Variants in LBP observed in about 807,000 individuals in gnomAD.
LBP encodes lipopolysaccharide-binding protein.
LBP carries 53 observed loss-of-function variants against 56.6 expected under a neutral mutation model. The ratio of observed to expected loss-of-function variants is 0.94; its 90% confidence interval spans 0.75 to 1.18. LBP has a LOEUF of 1.18. Among genes scored for constraint, LBP ranks in the 50% most tolerant of loss-of-function variants. The pLI is 0.00. For synonymous variants in LBP, 227 were observed against 247.5 expected (o/e 0.92, Z 0.78); for missense variants, 601 against 598.3 (o/e 1.00, Z -0.05).
At chr20:38,369,587 G>A (rs1296983521) in intron 10 of LBP, among the ~76,000 whole-genome samples, 2 of 152,190 alleles carry the variant, frequency 1.3e-5, no homozygotes, top group Non-Finnish European at 2.9e-5. Flanking sequence ...GTACTGTCAG[G>A]AGAATGATGG....
intron 5 of LBP, among the ~76,000 whole-genome samples, chr20:38,357,332 T>C (rs2122605404): frequency 6.6e-6 from 1 of 152,312 alleles, no homozygotes; most frequent in Middle Eastern, 3.4e-3. Flanking sequence ...GGGCTAGGTG[T>C]CTTGGGAAAG....
At chr20:38,350,188 A>G (rs1389007447) in intron 2 of LBP, among the ~76,000 whole-genome samples, 2 of 151,998 alleles carry the variant, frequency 1.3e-5, no homozygotes, top group African/African-American at 4.8e-5. Context: ...CGACAATCAG[A>G]CTCGTAGCAC....
chr20:38,348,381 C>G (rs1185338328), intron 1 of LBP, among the ~76,000 whole-genome samples: 1 of 151,618 alleles, frequency 6.6e-6, no homozygotes, highest in Non-Finnish European at 1.5e-5. Context: ...GGCACAATCT[C>G]AGCTCACTGC....
rs1187385948 is a variant in LBP, at chr20:38,349,574, C to T, written c.151C>T (p.Gln51Ter). The change falls in exon 2 of 15, where the codon CAG (glutamine) becomes TAG (stop). Residue 51 changes from glutamine to a stop codon, truncating the protein, a stop_gained. Transcript: ENST00000217407. LOFTEE classifies it high-confidence loss of function. Reference sequence around the variant, plus strand: ...GGCCCAGGAGGGGCTATTAGCTCTGCAGAGTGAGCTGCTCAGGATCACGCT... The same window carrying T: ...GGCCCAGGAGGGGCTATTAGCTCTGTAGAGTGAGCTGCTCAGGATCACGCT... ...YAAQEGLLAL[Q>*]SELLRITLPD... The T allele has an allele frequency of 6.2e-7, 1 of 1,610,200 alleles. No individual in the cohort carries two copies. Among genetic ancestry groups the T allele is most frequent in the South Asian group, 1.1e-5 (1 of 90,060 alleles).
chr20:38,370,544 G>A (rs1271755023), intron 10 of LBP, among the ~76,000 whole-genome samples, 194 bp from the exon 11 acceptor site: 1 of 152,006 alleles, frequency 6.6e-6, no homozygotes, highest in Non-Finnish European at 1.5e-5. Flanking sequence ...AAGTAAAAAT[G>A]TTCAAGTCCA....
At position 38,349,542 on chromosome 20, in the gene LBP, C is replaced by T; in HGVS notation, c.125-6C>T. Reference sequence around the variant, plus strand: ...AAGCTGACTCCCAGCTATTTCCTTTCCACAGCGGCCCAGGAGGGGCTATTA... The same window carrying T: ...AAGCTGACTCCCAGCTATTTCCTTTTCACAGCGGCCCAGGAGGGGCTATTA... On this transcript the variant is annotated splice_polypyrimidine_tract_variant and splice_region_variant and intron_variant, in intron 1 of 14. Transcript: ENST00000217407. 1 of 1,589,794 alleles carries T rather than the reference C, an allele frequency of 6.3e-7. No individual in the cohort carries two copies. The highest frequency in any genetic ancestry group is 8.6e-7 in the Non-Finnish European group (1 of 1,167,882).
At position 38,348,385 on chromosome 20, in the gene LBP, TCA is replaced by T. The variant is rs539587873; in HGVS notation, c.125-1161_125-1160del. 2.2e-3 allele frequency among the ~76,000 whole-genome samples: 337 copies of T among 152,088 alleles called. 1 individual carries two copies. Among genetic ancestry groups the T allele is most frequent in the African/African-American group, 7.7e-3 (321 of 41,486 alleles). On this transcript the variant is annotated intron_variant, in intron 1 of 14. Transcript: ENST00000217407. ...TGGAGTGCAATGGCACAATCTCAGC[TCA>T]CTGCAACCTCCGACTCCCTGGTTCA...
chr20:38,352,945 GA>G (rs1206706991), intron 3 of LBP, among the ~76,000 whole-genome samples: 3 of 151,508 alleles, frequency 2.0e-5, no homozygotes, highest in Non-Finnish European at 4.4e-5. Context: ...GTATCTTCTG[GA>G]AAATTTAAAA....
chr20:38,350,978 C>T (rs1261316585), intron 3 of LBP, 39 bp downstream of exon 3: 2 of 1,603,710 alleles, frequency 1.2e-6, no homozygotes, highest in Admixed American at 1.7e-5. Context: ...AGCTCTTGGC[C>T]TTGGCCTTCG....
intron 4 of LBP, 127 bp from the exon 5 acceptor site, chr20:38,355,219 A>C: frequency 2.5e-6 from 2 of 795,396 alleles, no homozygotes; most frequent in Admixed American, 3.9e-5. Context: ...GCTGGGACAC[A>C]GCAGGGCGCC....
chr20:38,354,292 A>T lies in LBP; in HGVS notation c.377A>T (p.Gln126Leu), dbSNP rs753058564. The T allele has an allele frequency of 3.7e-6, 6 of 1,613,052 alleles. No individual in the cohort carries two copies. The highest frequency in any genetic ancestry group is 5.1e-6 in the Non-Finnish European group (6 of 1,179,512). The change falls in exon 4 of 15, where the codon CAG becomes CTG. Residue 126 changes from glutamine to leucine, a missense_variant. Gln to Leu is a moderately radical substitution (Grantham distance 113). Coordinates refer to ENST00000217407, the MANE Select transcript of LBP (RefSeq NM_004139.5). ...TCTCTTACCTCCTCCAGCAAACTAC[A>T]GGGCTCCTTTGATGTCAGTGTCAAG... ...WKVRKSFFKL[Q>L]GSFDVSVKGI... is the part of the protein sequence containing the mutation.
chr20:38,370,893 G>A, intron 11 of LBP, 88 bp downstream of exon 11: 1 of 1,114,036 alleles, frequency 9.0e-7, no homozygotes, highest in Non-Finnish European at 1.4e-6. Context: ...TGGGAGGGGG[G>A]GCCACCATTT....
rs756114008 is a variant in LBP, at chr20:38,373,975, C to G, written c.1363C>G (p.Arg455Gly). The change falls in exon 14 of 15, where the codon CGT becomes GGT. Residue 455 changes from arginine to glycine, a missense_variant. Transcript: ENST00000217407. ...AGGCTTCCCCCTTCCTCTGCTGAAG[C>G]GTGTTCAGCTCTACGACCTTGGGCT... ...AEGFPLPLLK[R>G]VQLYDLGLQI... is the part of the protein sequence containing the mutation. The G allele has an allele frequency of 6.2e-7, 1 of 1,614,054 alleles. No individual in the cohort carries two copies. Among genetic ancestry groups the G allele is most frequent in the East Asian group, 2.2e-5 (1 of 44,886 alleles).
intron 8 of LBP, 113 bp from the exon 9 acceptor site, chr20:38,366,656 C>G: frequency 1.0e-6 from 1 of 995,108 alleles, no homozygotes; most frequent in East Asian, 2.4e-5. Flanking sequence ...GCCAGGGTAA[C>G]CCAGGCTGTG....
At position 38,370,766 on chromosome 20, in the gene LBP, T is replaced by C. The variant is rs758879068; in HGVS notation, c.1178T>C (p.Phe393Ser). ...VATNVSATLT[F>S]NTSKITGFLK... is the part of the protein sequence containing the mutation. ...ACTAATGTGTCCGCCACCTTGACCT[T>C]CAATACCAGCAAGATCACTGGGTTC... The change falls in exon 11 of 15, where the codon TTC (phenylalanine) becomes TCC (serine). Residue 393 changes from phenylalanine (F) to serine (S), a missense_variant. Phe to Ser is a radical substitution (Grantham distance 155, BLOSUM62 -2). Coordinates refer to ENST00000217407, the MANE Select transcript of LBP (RefSeq NM_004139.5). The C allele has an allele frequency of 3.1e-6, 5 of 1,614,114 alleles. No individual in the cohort carries two copies. The East Asian group carries it at 1.1e-4, about 36-fold the overall frequency.
At chr20:38,375,852 A>G (rs1008763140) in intron 14 of LBP, among the ~76,000 whole-genome samples, 44 of 152,132 alleles carry the variant, frequency 2.9e-4, no homozygotes, top group African/African-American at 1.1e-3. Flanking sequence ...AATGAAGGGC[A>G]GGGGGGATGA....
chr20:38,376,794 G>A lies in LBP; in HGVS notation c.*125G>A. 2 of 961,626 alleles carry A rather than the reference G, an allele frequency of 2.1e-6. No individual in the cohort carries two copies. The highest frequency in any genetic ancestry group is 1.7e-6 in the Non-Finnish European group (1 of 599,902). 59.6% of individuals were successfully genotyped at this position (961,626 alleles called of 1,614,324 possible). On this transcript the variant is annotated 3_prime_UTR_variant, in exon 15 of 15. Coordinates refer to ENST00000217407, the MANE Select transcript of LBP (RefSeq NM_004139.5). ...CTGCTCTCAGCTCCGGGGGTGAGGT[G>A]TGCCTGGCCTCTGCCTCCACCCTCC...
rs1402330502 is a variant in LBP at position 38,376,826 on chromosome 20, T to C, written c.*157T>C. 1 of 769,062 alleles carries C rather than the reference T, an allele frequency of 1.3e-6. No homozygotes were observed. 47.6% of individuals were successfully genotyped at this position (769,062 alleles called of 1,614,324 possible). On this transcript the variant is annotated 3_prime_UTR_variant, in exon 15 of 15. Coordinates refer to ENST00000217407, the MANE Select transcript of LBP (RefSeq NM_004139.5). ...GCCTCTGCCTCCACCCTCCTCCTCT[T>C]CACCAGGTGCATGCATGCCCTCTCT...
intron 4 of LBP, 25 bp from the exon 5 acceptor site, chr20:38,355,321 T>C (rs1224602004): frequency 6.2e-7 from 1 of 1,612,450 alleles, no homozygotes; most frequent in African/African-American, 1.3e-5. Context: ...CCAAGTTCAG[T>C]GGCAGACTGT....
Sources: allele counts gnomAD v4.1 joint callset (sites outside exome capture counted in the v4.1 genomes callset), GRCh38; gene constraint gnomAD v4.1.1; transcripts MANE v1.5; gene names NCBI Gene and HGNC (gene_info 2026-07-23, HGNC 2026-07-21).